Variants in CUL2 observed in about 807,000 individuals in gnomAD.
The protein encoded by CUL2 is cullin 2, also known as cullin-2.
Under a neutral mutation model 110.2 loss-of-function variants are expected in CUL2, and 22 were observed. The observed-to-expected ratio is 0.20, with a 90% CI of 0.14 to 0.28. CUL2 has a LOEUF of 0.28. CUL2 is among the 10% of genes least tolerant of loss of function. The pLI is 1.00. For synonymous variants in CUL2, 279 were observed against 293.2 expected, an observed-to-expected ratio of 0.95 and a Z score of 0.49; for missense variants, 631 against 905.5, an observed-to-expected ratio of 0.70 and a Z score of 3.89.
In CUL2 at chr10:35,077,646, G is replaced by A. The variant is rs557117108; in HGVS notation, c.-22-6307C>T. ...CAGCCTGACCAACATGGAGAAACCCGGTCTCTACTAAAAATACAAAATTAG... is the reference window on the plus strand; with the variant it reads ...CAGCCTGACCAACATGGAGAAACCCAGTCTCTACTAAAAATACAAAATTAG... On this transcript the variant is annotated intron_variant, in intron 1 of 20. Transcript: ENST00000374749. 9.9e-5 allele frequency among the ~76,000 whole-genome samples: 15 copies of A among 151,106 alleles called. No homozygotes were observed. The South Asian group carries it at 1.9e-3, about 19-fold the overall frequency.
chr10:35,077,218 T>A (rs2086841097), intron 1 of CUL2, among the ~76,000 whole-genome samples: 1 of 151,744 alleles, frequency 6.6e-6, no homozygotes, highest in Admixed American at 6.6e-5. Context: ...CTCAAAAACA[T>A]TCTACTAAGT....
Position 35,068,973 on chromosome 10 carries a change from A to G in CUL2, c.119+2226T>C, listed in dbSNP as rs553780431. 7.9e-5 allele frequency among the ~76,000 whole-genome samples: 12 copies of G among 152,136 alleles called. No individual in the cohort carries two copies. In the East Asian group the frequency reaches 2.1e-3, roughly 27 times the overall value. On this transcript the variant is annotated intron_variant, in intron 2 of 20. Coordinates refer to ENST00000374749, the MANE Select transcript of CUL2 (RefSeq NM_003591.4). ...ACCTCTGCCTCCCAGGGTTTAAGCA[A>G]TTCTCCTGCCTCAGCCTCCCAAGTA...
chr10:35,030,693 T>C (rs865970647), intron 14 of CUL2, among the ~76,000 whole-genome samples: 1 of 152,170 alleles, frequency 6.6e-6, no homozygotes, highest in Non-Finnish European at 1.5e-5. Flanking sequence ...AACACTACTT[T>C]TAGAAATTAA....
At chr10:35,077,330 C>CAAAAA (rs991140755) in intron 1 of CUL2, among the ~76,000 whole-genome samples, 2 of 145,938 alleles carry the variant, frequency 1.4e-5, no homozygotes, top group South Asian at 4.3e-4. Context: ...AACAAACAAA[C>CAAAAA]AAAAAAAACA....
chr10:35,024,976 C>A (rs973335047), intron 17 of CUL2, among the ~76,000 whole-genome samples, 156 bp downstream of exon 17: 1 of 152,004 alleles, frequency 6.6e-6, no homozygotes, highest in Non-Finnish European at 1.5e-5. Context: ...TGAAAAAGTG[C>A]TATACTTGGA....
intron 2 of CUL2, among the ~76,000 whole-genome samples, chr10:35,068,345 C>G (rs1433854836): frequency 2.6e-5 from 4 of 152,088 alleles, no homozygotes; most frequent in African/African-American, 9.7e-5. Flanking sequence ...TCACTTGAAC[C>G]TGGGAGGTGG....
At chr10:35,017,872 G>GT (rs34303523) in intron 17 of CUL2, among the ~76,000 whole-genome samples, 2 of 144,040 alleles carry the variant, frequency 1.4e-5, no homozygotes, top group Non-Finnish European at 3.0e-5. Flanking sequence ...TTCCATACGT[G>GT]TTTAAAAAAA....
At chr10:35,106,518 G>C (rs2087459275) in intron 1 of CUL2, among the ~76,000 whole-genome samples, 1 of 149,188 alleles carries the variant, frequency 6.7e-6, no homozygotes, top group Non-Finnish European at 1.5e-5. Context: ...CTTTTTTTTA[G>C]AGATGAGGTT....
chr10:35,031,277 ACCACATT>A lies in CUL2; in HGVS notation c.1386+16_1386+22del, dbSNP rs748620515. On this transcript the variant is annotated intron_variant, in intron 14 of 20. Coordinates refer to ENST00000374749, the MANE Select transcript of CUL2 (RefSeq NM_003591.4). This position sits in a 1 kb window ranked among gnomAD's most constrained non-coding sequence, Gnocchi z 4.4. ...CTTGTGAATGAATTTCTAGGACAAT[ACCACATT>A]AAAGACTTACATTACCTTTAATTTG... 1 of 1,441,450 alleles carries A rather than the reference ACCACATT, an allele frequency of 6.9e-7. No homozygotes were observed. Among genetic ancestry groups the A allele is most frequent in the Non-Finnish European group, 9.6e-7 (1 of 1,045,074 alleles). 89.3% of individuals were successfully genotyped at this position (1,441,450 alleles called of 1,614,324 possible).
At chr10:35,058,320 G>A (rs939810448) in intron 4 of CUL2, among the ~76,000 whole-genome samples, 7 of 152,030 alleles carry the variant, frequency 4.6e-5, no homozygotes, top group African/African-American at 1.7e-4. Context: ...AGTTTGTGTC[G>A]AAACATTATA....
At chr10:35,085,429 C>G (rs897334106) in intron 1 of CUL2, among the ~76,000 whole-genome samples, 1 of 147,784 alleles carries the variant, frequency 6.8e-6, no homozygotes, top group African/African-American at 2.5e-5. Context: ...GACACCGTCC[C>G]AAAAAAAAAT....
At chr10:35,123,841 G>A (rs12253222) in intron 1 of CUL2, among the ~76,000 whole-genome samples, 1 of 152,338 alleles carries the variant, frequency 6.6e-6, no homozygotes, top group African/African-American at 2.4e-5. Flanking sequence ...GAAGTTGGAA[G>A]CTTTGGGTAT....
At chr10:35,104,614 A>T (rs1160976429) in intron 1 of CUL2, among the ~76,000 whole-genome samples, 2 of 152,194 alleles carry the variant, frequency 1.3e-5, no homozygotes, top group Non-Finnish European at 2.9e-5. Flanking sequence ...AGGAAACCAT[A>T]GTAATGTGCA....
intron 11 of CUL2, 58 bp downstream of exon 11, chr10:35,033,108 G>T: frequency 9.9e-7 from 1 of 1,008,314 alleles, no homozygotes; most frequent in Non-Finnish European, 1.4e-6. Context: ...TCTTGAAACT[G>T]CCTAAAGAAT....
At chr10:35,019,894 T>C (rs1177130309) in intron 17 of CUL2, among the ~76,000 whole-genome samples, 1 of 152,178 alleles carries the variant, frequency 6.6e-6, no homozygotes, top group Non-Finnish European at 1.5e-5. Flanking sequence ...CATGCCAAAG[T>C]ATCATCCCTC....
At chr10:35,021,119 T>C (rs182653933) in intron 17 of CUL2, among the ~76,000 whole-genome samples, 2 of 152,120 alleles carry the variant, frequency 1.3e-5, no homozygotes, top group East Asian at 1.9e-4. Context: ...CCTTAGGGGT[T>C]AGAGCTTCAA....
chr10:35,033,299 C>T (rs768674595), intron 10 of CUL2, 26 bp from the exon 11 acceptor site: 1 of 1,505,924 alleles, frequency 6.6e-7, no homozygotes, highest in South Asian at 1.1e-5. Context: ...AAGTACAAAA[C>T]CACATTTTAA....
chr10:35,031,221 T>C lies in CUL2; in HGVS notation c.1386+79A>G, dbSNP rs1564706492. On this transcript the variant is annotated intron_variant, in intron 14 of 20. Transcript: ENST00000374749. The surrounding 1 kb of genome is among the most constrained non-coding windows in gnomAD (Gnocchi z 4.4). ...CCAGATGAATTGTTTCCTGTTACTG[T>C]ACACAATGCTGCAATGAACATCTTT... The C allele has an allele frequency of 3.4e-6, 3 of 876,202 alleles. No individual in the cohort carries two copies. Among genetic ancestry groups the C allele is most frequent in the Non-Finnish European group, 5.4e-6 (3 of 557,638 alleles). 54.3% of individuals were successfully genotyped at this position (876,202 alleles called of 1,614,324 possible).
intron 17 of CUL2, among the ~76,000 whole-genome samples, chr10:35,018,363 A>G (rs1477233073): frequency 6.6e-6 from 1 of 151,740 alleles, no homozygotes; most frequent in African/African-American, 2.4e-5. Flanking sequence ...TTGTTAACTC[A>G]AGGAAGCTGT....
Sources: allele counts gnomAD v4.1 joint callset (sites outside exome capture counted in the v4.1 genomes callset), GRCh38; gene constraint gnomAD v4.1.1; non-coding constraint Gnocchi (gnomAD v3.1); transcripts MANE v1.5; gene names NCBI Gene and HGNC (gene_info 2026-07-23, HGNC 2026-07-21).